The following UIMC1 variants were observed in gnomAD, a reference collection of about 807,000 sequenced individuals.
UIMC1 encodes the protein ubiquitin interaction motif containing 1.
Under a neutral mutation model 84.9 loss-of-function variants are expected in UIMC1, and 42 were observed. That is an observed-to-expected ratio of 0.49 (90% CI 0.39 to 0.64). The LOEUF is 0.64. Ranked by LOEUF, UIMC1 falls within the 30% of genes least tolerant of loss-of-function variation. The pLI is 0.00. For synonymous variants in UIMC1, 281 were observed against 293.0 expected (o/e 0.96, Z 0.42); for missense variants, 825 against 847.6 (o/e 0.97, Z 0.33).
intron 1 of UIMC1, among the ~76,000 whole-genome samples, chr5:176,987,571 T>C (rs1299992293): frequency 6.6e-6 from 1 of 152,020 alleles, no homozygotes; most frequent in Non-Finnish European, 1.5e-5. Context: ...AAGGACTGCT[T>C]GAACCCAGGG....
intron 10 of UIMC1, among the ~76,000 whole-genome samples, chr5:176,928,649 T>C (rs1762687247): frequency 6.6e-6 from 1 of 152,128 alleles, no homozygotes; most frequent in African/African-American, 2.4e-5. Context: ...AACCAGATAT[T>C]TGGTGGTATT....
At chr5:176,992,953 A>G (rs963871558) in intron 1 of UIMC1, among the ~76,000 whole-genome samples, 1 of 152,190 alleles carries the variant, frequency 6.6e-6, no homozygotes, top group Non-Finnish European at 1.5e-5. Flanking sequence ...TGGGAGGCTG[A>G]GGCAGGTGGA....
intron 9 of UIMC1, among the ~76,000 whole-genome samples, chr5:176,943,852 T>C (rs1764757466): frequency 6.6e-6 from 1 of 152,196 alleles, no homozygotes; most frequent in African/African-American, 2.4e-5. Flanking sequence ...GAAAAGTACT[T>C]GTGTAAAACA....
intron 6 of UIMC1, among the ~76,000 whole-genome samples, chr5:176,959,438 C>T (rs1034240531): frequency 2.6e-5 from 4 of 152,128 alleles, no homozygotes; most frequent in East Asian, 3.9e-4. Context: ...AATTATTGGC[C>T]GGGCGCGGTG....
intron 1 of UIMC1, among the ~76,000 whole-genome samples, chr5:177,005,366 G>A (rs982594602): frequency 6.6e-6 from 1 of 151,992 alleles, no homozygotes; most frequent in Non-Finnish European, 1.5e-5. Flanking sequence ...TGAGCCACCA[G>A]GCCCGTCGAC....
chr5:176,905,142 A>G lies in UIMC1; in HGVS notation c.*140T>C. 1.3e-6 allele frequency: 1 copy of G among 779,006 alleles called. No individual in the cohort carries two copies. Among genetic ancestry groups the G allele is most frequent in the South Asian group, 1.9e-5 (1 of 53,006 alleles). The allele number at this position is 779,006 out of a possible 1,614,324, so 48.3% of individuals were successfully genotyped here. ...TGCATAGATCATAAAAAACATAAAA[A>G]CCAGAATGCTGGGTAGGTGCTGGTG... is the stretch of plus-strand genomic sequence containing the variant. On this transcript the variant is annotated 3_prime_UTR_variant, in exon 15 of 15. Transcript: ENST00000511320.
chr5:177,021,256 G>A (rs1022250875), intron 1 of UIMC1, among the ~76,000 whole-genome samples: 6 of 152,044 alleles, frequency 3.9e-5, no homozygotes, highest in Non-Finnish European at 7.4e-5. Flanking sequence ...CCAACCTGGC[G>A]ACAGAGCAAA....
intron 1 of UIMC1, among the ~76,000 whole-genome samples, chr5:177,005,186 G>T (rs1398864551): frequency 1.3e-5 from 2 of 151,854 alleles, no homozygotes; most frequent in African/African-American, 4.8e-5. Flanking sequence ...GGATCCTCCT[G>T]CCTCAGCCAC....
Position 176,907,103 on chromosome 5 carries a change from G to A in UIMC1, c.1912+11C>T. On this transcript the variant is annotated intron_variant, in intron 13 of 14. Coordinates refer to ENST00000511320, the MANE Select transcript of UIMC1 (RefSeq NM_001199298.2). ...GGCAGAAGCCCAGAAAACTGGTCCT[G>A]GGGTCCTCACCTGAAGTCTTGTGCT... The A allele has an allele frequency of 1.2e-6, 2 of 1,613,470 alleles. No homozygotes were observed. Among genetic ancestry groups the A allele is most frequent in the Non-Finnish European group, 1.7e-6 (2 of 1,179,694 alleles).
At chr5:176,987,178 C>G (rs182333149) in intron 1 of UIMC1, among the ~76,000 whole-genome samples, 10 of 152,226 alleles carry the variant, frequency 6.6e-5, no homozygotes, top group Admixed American at 1.3e-4. Context: ...CAAGATCGTG[C>G]CATTGGCACT....
chr5:176,968,827 C>A lies in UIMC1; in HGVS notation c.928G>T (p.Ala310Ser), dbSNP rs767866559. 3.1e-6 allele frequency: 5 copies of A among 1,614,052 alleles called. No individual in the cohort carries two copies. In the Admixed American group the frequency reaches 5.0e-5, roughly 16 times the overall value. The change falls in exon 6 of 15, where the codon GCT becomes TCT. Residue 310 changes from alanine to serine, a missense_variant. Transcript: ENST00000511320. ...LEVYQKSLKM[A>S]QRQLLNKKGF... ...TTTTTATTAAGGAGCTGCCTCTGAG[C>A]CATTTTCAGGCTCTTTTGATAAACC...
intron 10 of UIMC1, among the ~76,000 whole-genome samples, chr5:176,923,107 T>A (rs2149408621): frequency 6.6e-6 from 1 of 152,318 alleles, no homozygotes; most frequent in Non-Finnish European, 1.5e-5. Context: ...TTTAGGGTTG[T>A]AAAGATTTCT....
intron 10 of UIMC1, among the ~76,000 whole-genome samples, chr5:176,924,313 C>T (rs1762114553): frequency 1.4e-5 from 2 of 146,596 alleles, no homozygotes. Context: ...AGTGAGAATT[C>T]GTCTCAAAAA....
chr5:176,954,280 T>C (rs959249231), intron 8 of UIMC1, among the ~76,000 whole-genome samples: 8 of 152,192 alleles, frequency 5.3e-5, no homozygotes, highest in Non-Finnish European at 1.2e-4. Flanking sequence ...AGGAAGTCAG[T>C]AGTCCCAGAC....
At chr5:176,941,097 G>A (rs1199975413) in intron 10 of UIMC1, among the ~76,000 whole-genome samples, 2 of 152,154 alleles carry the variant, frequency 1.3e-5, no homozygotes, top group South Asian at 2.1e-4. Flanking sequence ...TGATTATAAC[G>A]CAGTAACTTG....
chr5:176,931,532 G>A (rs1428971784), intron 10 of UIMC1, among the ~76,000 whole-genome samples: 2 of 152,206 alleles, frequency 1.3e-5, no homozygotes, highest in African/African-American at 4.8e-5. Context: ...ATTAAGAGAG[G>A]AACAAGATGG....
chr5:177,002,132 C>CA lies in UIMC1; in HGVS notation c.-9+4517dup, dbSNP rs1195653458. ...TAAGACTGTCTCAAAAAAAAAAAAA[C>CA]AAAAAAAAAAAAATTAGCTGGGCAT... On this transcript the variant is annotated intron_variant, in intron 1 of 14. Coordinates refer to ENST00000511320, the MANE Select transcript of UIMC1 (RefSeq NM_001199298.2). 1,281 of 129,050 alleles carry CA rather than the reference C, an allele frequency of 9.9e-3. 67 individuals are homozygous for CA. The East Asian group carries it at 0.16, about 16-fold the overall frequency. The allele number at this position is 129,050 out of a possible 1,614,324, so 8.0% of individuals were successfully genotyped here.
intron 9 of UIMC1, 32 bp downstream of exon 9, chr5:176,951,442 C>T: frequency 1.4e-6 from 2 of 1,459,248 alleles, no homozygotes; most frequent in Non-Finnish European, 1.8e-6. Context: ...GGAAAGAAAC[C>T]ACTGAGAAAA....
intron 2 of UIMC1, among the ~76,000 whole-genome samples, chr5:176,977,179 C>T (rs1335136139): frequency 6.7e-6 from 1 of 148,730 alleles, no homozygotes; most frequent in African/African-American, 2.5e-5. Context: ...GCCAAGATCG[C>T]GCCACTGCTC....
Sources: gnomAD v4.1 joint callset for allele counts (sites outside exome capture counted in the v4.1 genomes callset) on GRCh38, gnomAD v4.1.1 for gene constraint, MANE v1.5 for transcripts, NCBI Gene and HGNC (gene_info 2026-07-23, HGNC 2026-07-21) for gene names.